Variants in RALGAPA1 observed in about 807,000 individuals in gnomAD.
RALGAPA1 encodes the protein Ral GTPase activating protein catalytic subunit alpha 1.
RALGAPA1 carries 52 observed loss-of-function variants against 269.6 expected under a neutral mutation model. That is an observed-to-expected ratio of 0.19 (90% CI 0.15 to 0.24). The LOEUF (loss-of-function observed/expected upper bound fraction) is 0.24, where lower values mean the gene tolerates loss of function less well. Among genes scored for constraint, RALGAPA1 ranks in the 10% least tolerant of loss-of-function variants. The probability of loss-of-function intolerance (pLI) is 1.00; values close to 1 mark genes in which losing one functional copy is unlikely to be tolerated. For synonymous variants in RALGAPA1, 817 were observed against 1,008.3 expected (o/e 0.81, Z 3.60); for missense variants, 1,917 against 3,013.9 (o/e 0.64, Z 8.52).
chr14:35,710,896 C>A (rs1051106238), intron 16 of RALGAPA1, among the ~76,000 whole-genome samples: 11 of 152,152 alleles, frequency 7.2e-5, no homozygotes, highest in African/African-American at 2.7e-4. Context: ...CAGGCTACAC[C>A]ATACAGCCTA....
chr14:35,628,331 C>T lies in RALGAPA1; in HGVS notation c.5996-380G>A, dbSNP rs146481503. On this transcript the variant is annotated intron_variant, in intron 33 of 41. Transcript: ENST00000680220. ...TTGGGAGGCTGAGGCGGGAGGATTG[C>T]TTGAGACCAGTCTGGGCAACATAGG... Among the ~76,000 whole-genome samples the T allele has an allele frequency of 2.7e-3, 406 of 152,192 alleles. 2 individuals are homozygous for T. Among genetic ancestry groups the T allele is most frequent in the African/African-American group, 7.0e-3 (292 of 41,534 alleles).
chr14:35,609,213 C>A (rs541929947), intron 35 of RALGAPA1, among the ~76,000 whole-genome samples: 1 of 149,014 alleles, frequency 6.7e-6, no homozygotes, highest in East Asian at 2.0e-4. Flanking sequence ...GGCGACAGAG[C>A]GACACTCCGT....
intron 27 of RALGAPA1, among the ~76,000 whole-genome samples, chr14:35,662,790 AAAAAC>A (rs1566947185): frequency 6.6e-6 from 1 of 152,226 alleles, no homozygotes; most frequent in Non-Finnish European, 1.5e-5. Flanking sequence ...CAGAACAGTA[AAAAAC>A]AAAACAAAAC....
intron 1 of RALGAPA1, among the ~76,000 whole-genome samples, chr14:35,791,571 C>T (rs1354785916): frequency 6.6e-6 from 1 of 150,706 alleles, no homozygotes; most frequent in Non-Finnish European, 1.5e-5. Context: ...CGCGCTATTG[C>T]ACCCTAGCCT....
At chr14:35,550,437 CTTA>C (rs1204452219) in intron 39 of RALGAPA1, among the ~76,000 whole-genome samples, 2 of 151,816 alleles carry the variant, frequency 1.3e-5, no homozygotes, top group Non-Finnish European at 2.9e-5. Context: ...CTCAAAATTC[CTTA>C]TTTTTTAAAA....
chr14:35,735,493 T>C (rs951738201), intron 12 of RALGAPA1, among the ~76,000 whole-genome samples: 2 of 152,154 alleles, frequency 1.3e-5, no homozygotes, highest in African/African-American at 2.4e-5. Context: ...CTCACTGATA[T>C]GTGGGAGCTA....
chr14:35,602,422 A>G (rs750303364), intron 36 of RALGAPA1, among the ~76,000 whole-genome samples: 5 of 152,206 alleles, frequency 3.3e-5, no homozygotes, highest in Admixed American at 2.6e-4. Context: ...CACATTTTAC[A>G]TACCTACTAG....
intron 1 of RALGAPA1, among the ~76,000 whole-genome samples, chr14:35,797,827 G>C (rs1416220929): frequency 6.8e-6 from 1 of 146,258 alleles, no homozygotes; most frequent in South Asian, 2.2e-4. Flanking sequence ...CCTGGGAAAC[G>C]AGCAAAATTA....
At chr14:35,805,441 CAAAAA>C (rs36002869) in intron 1 of RALGAPA1, among the ~76,000 whole-genome samples, 3 of 95,298 alleles carry the variant, frequency 3.1e-5, no homozygotes, top group Non-Finnish European at 2.2e-5. Context: ...GACTCCGTGT[CAAAAA>C]AAAAAAAAAA....
At chr14:35,695,972 T>C (rs1225423360) in intron 17 of RALGAPA1, among the ~76,000 whole-genome samples, 1 of 152,202 alleles carries the variant, frequency 6.6e-6, no homozygotes, top group Non-Finnish European at 1.5e-5. Context: ...TAGATGTTTG[T>C]GCAAGCCAAC....
chr14:35,610,443 C>T (rs964558187), intron 35 of RALGAPA1, among the ~76,000 whole-genome samples: 6 of 151,956 alleles, frequency 3.9e-5, no homozygotes, highest in South Asian at 2.1e-4. Context: ...CCACCACGCC[C>T]GGCTAATTTT....
chr14:35,600,553 T>C (rs1287426965), intron 36 of RALGAPA1, among the ~76,000 whole-genome samples: 1 of 152,190 alleles, frequency 6.6e-6, no homozygotes, highest in Non-Finnish European at 1.5e-5. Context: ...CTGTGCTGTT[T>C]AGGCTGTTTC....
intron 36 of RALGAPA1, among the ~76,000 whole-genome samples, chr14:35,600,227 T>C (rs375001028): frequency 1.5e-5 from 2 of 129,700 alleles, no homozygotes; most frequent in African/African-American, 7.2e-5. Flanking sequence ...TCTTTTTCTT[T>C]TTTTCTTTTT....
rs2077565652 is a variant in RALGAPA1 at position 35,808,998 on chromosome 14, A to T, written c.-163T>A. Reference sequence around the variant, plus strand: ...AGCCGACTCCTTCCCGATCCAGGCCAGGGCCGCCACCTCCACCCGCCTCGC... The same window carrying T: ...AGCCGACTCCTTCCCGATCCAGGCCTGGGCCGCCACCTCCACCCGCCTCGC... On this transcript the variant is annotated 5_prime_UTR_variant, in exon 1 of 42. Transcript: ENST00000680220. The T allele has an allele frequency of 7.3e-7, 1 of 1,378,148 alleles. No homozygotes were observed. The highest frequency in any genetic ancestry group is 2.9e-5 in the Admixed American group (1 of 34,484). The allele number at this position is 1,378,148 out of a possible 1,614,324, so 85.4% of individuals were successfully genotyped here.
chr14:35,620,203 A>G (rs2060523517), intron 35 of RALGAPA1, among the ~76,000 whole-genome samples: 1 of 152,220 alleles, frequency 6.6e-6, no homozygotes, highest in Non-Finnish European at 1.5e-5. Flanking sequence ...AGGATGGTCC[A>G]ACATACGCAA....
At chr14:35,612,890 T>C (rs945010149) in intron 35 of RALGAPA1, among the ~76,000 whole-genome samples, 4 of 151,852 alleles carry the variant, frequency 2.6e-5, no homozygotes, top group African/African-American at 7.3e-5. Flanking sequence ...AAAATAAAAA[T>C]AGGTAAACTG....
intron 17 of RALGAPA1, among the ~76,000 whole-genome samples, chr14:35,692,422 T>C (rs2066557563): frequency 6.6e-6 from 1 of 151,854 alleles, no homozygotes; most frequent in Non-Finnish European, 1.5e-5. Context: ...TGTTCTGTGT[T>C]TAGGAATTCC....
chr14:35,575,249 A>C (rs189406104), intron 37 of RALGAPA1, among the ~76,000 whole-genome samples: 10 of 152,348 alleles, frequency 6.6e-5, no homozygotes, highest in Non-Finnish European at 1.3e-4. Context: ...ATAGAGTAGA[A>C]GACTTCTGTA....
chr14:35,776,875 T>A lies in RALGAPA1; in HGVS notation c.107-1130A>T, dbSNP rs186224974. On this transcript the variant is annotated intron_variant, in intron 1 of 41. Coordinates refer to ENST00000680220, the MANE Select transcript of RALGAPA1 (RefSeq NM_001346249.2). ...CCTAGAACTTAGAGTATAATAAAAA[T>A]TTTTTTTAAATTTACTATTTACTAT... 2.5e-3 allele frequency among the ~76,000 whole-genome samples: 379 copies of A among 152,018 alleles called. 4 individuals are homozygous for A. The highest frequency in any genetic ancestry group is 8.5e-3 in the African/African-American group (353 of 41,452).
Sources: allele counts gnomAD v4.1 joint callset (sites outside exome capture counted in the v4.1 genomes callset), GRCh38; gene constraint gnomAD v4.1.1; transcripts MANE v1.5; gene names NCBI Gene and HGNC (gene_info 2026-07-23, HGNC 2026-07-21).